KLC1: variants seen among roughly 807,000 people sequenced by gnomAD.
KLC1 encodes the protein kinesin 2 60/70kDa.
In KLC1, 30 loss-of-function variants were observed where a neutral mutation model predicts 84.2. The ratio of observed to expected loss-of-function variants is 0.36; its 90% CI spans 0.27 to 0.48. The LOEUF is 0.48. KLC1 is among the 20% of genes least tolerant of loss of function. The probability of loss-of-function intolerance (pLI) is 0.99; values close to 1 mark genes in which losing one functional copy is unlikely to be tolerated. For missense variants in KLC1, 499 were observed against 805.4 expected (o/e 0.62, Z 4.60); for synonymous variants, 289 against 293.3 (o/e 0.99, Z 0.15).
intron 1 of KLC1, among the ~76,000 whole-genome samples, chr14:103,648,624 T>G (rs10047805): frequency 6.6e-6 from 1 of 150,878 alleles, no homozygotes; most frequent in African/African-American, 2.4e-5. Context: ...CTACAGAAAA[T>G]AAAAAGAAAA....
Position 103,694,642 on chromosome 14 carries a change from C to T in KLC1, c.1848+2217C>T. On this transcript the variant is annotated intron_variant, in intron 15 of 16. Coordinates refer to ENST00000334553, the MANE Select transcript of KLC1 (RefSeq NM_001394837.1). The surrounding 1 kb of genome is among the most constrained non-coding windows in gnomAD (Gnocchi z 4.5). ...GGCTGACGCTCAGCAGCGCCACCTC[C>T]ATGCCAGCCAACTAGGCTACGGGAT... The T allele has an allele frequency of 1.0e-6, 1 of 985,490 alleles. No individual in the cohort carries two copies. The highest frequency in any genetic ancestry group is 1.2e-6 in the Non-Finnish European group (1 of 829,940). The allele number at this position is 985,490 out of a possible 1,614,324, so 61.0% of individuals were successfully genotyped here.
At chr14:103,696,910 G>A (rs3212133) in intron 15 of KLC1, 21 of 985,232 alleles carry the variant, frequency 2.1e-5, no homozygotes, top group South Asian at 4.7e-5. Flanking sequence ...AGGCCAGCCC[G>A]TCTGCAGACT....
chr14:103,699,713 C>T (rs1567049257), intron 15 of KLC1: 1 of 796,604 alleles, frequency 1.3e-6, no homozygotes. Flanking sequence ...ACTCTGTAGT[C>T]CCCATACTCT....
intron 1 of KLC1, among the ~76,000 whole-genome samples, chr14:103,648,099 C>T (rs377066817): frequency 1.3e-5 from 2 of 151,500 alleles, no homozygotes; most frequent in African/African-American, 2.4e-5. Flanking sequence ...TACAGGTGCA[C>T]GCCACCACGC....
At chr14:103,666,163 A>G (rs1331562789) in intron 5 of KLC1, among the ~76,000 whole-genome samples, 1 of 151,954 alleles carries the variant, frequency 6.6e-6, no homozygotes, top group Non-Finnish European at 1.5e-5. Context: ...TCCCGGGTTC[A>G]CGCCATTCTC....
chr14:103,634,690 A>C (rs1434013455), intron 1 of KLC1, among the ~76,000 whole-genome samples: 1 of 152,090 alleles, frequency 6.6e-6, no homozygotes, highest in African/African-American at 2.4e-5. Context: ...TGGACTGAGA[A>C]GTCTCTATGG....
intron 1 of KLC1, among the ~76,000 whole-genome samples, chr14:103,639,708 G>A (rs1652009142): frequency 6.6e-6 from 1 of 152,136 alleles, no homozygotes; most frequent in Admixed American, 6.6e-5. Flanking sequence ...CCAAAGTGCT[G>A]GGATTACTGG....
At chr14:103,686,284 C>A in intron 13 of KLC1, 1 of 922,738 alleles carries the variant, frequency 1.1e-6, no homozygotes, top group Non-Finnish European at 1.3e-6. Context: ...CATGAAACGC[C>A]GCATGGCACA....
intron 5 of KLC1, among the ~76,000 whole-genome samples, chr14:103,666,157 G>A (rs975325857): frequency 6.6e-6 from 1 of 151,896 alleles, no homozygotes; most frequent in Non-Finnish European, 1.5e-5. Flanking sequence ...TCCGCCTCCC[G>A]GGTTCACGCC....
intron 15 of KLC1, chr14:103,696,915 C>T (rs995691346): frequency 3.1e-5 from 31 of 985,276 alleles, no homozygotes; most frequent in Non-Finnish European, 3.7e-5. Flanking sequence ...AGCCCGTCTG[C>T]AGACTCCTGT....
At position 103,669,563 on chromosome 14, in the gene KLC1, A is replaced by G; in HGVS notation, c.850A>G (p.Ile284Val). The change falls in exon 6 of 17, where the codon ATT becomes GTT. Residue 284 changes from isoleucine to valine, a missense_variant. Physicochemically the swap from Ile to Val is conservative, Grantham distance 29 (BLOSUM62 3). This residue lies in a region of KLC1 where 153 missense variants were observed against 332.4 expected (regional missense o/e 0.46). Transcript: ENST00000334553. ...TAACCTACTGAATGATGCCTTGGCT[A>G]TTCGTGAGAAAACTTTGGGCAAAGA... Reference protein sequence around the residue: ...AANLLNDALAIREKTLGKDHP... With the variant: ...AANLLNDALAVREKTLGKDHP... 2.5e-6 allele frequency: 4 copies of G among 1,612,914 alleles called. No homozygotes were observed. Among genetic ancestry groups the G allele is most frequent in the Non-Finnish European group, 3.4e-6 (4 of 1,178,944 alleles).
intron 13 of KLC1, chr14:103,683,848 A>G (rs2151802175): frequency 6.6e-6 from 1 of 152,360 alleles, no homozygotes; most frequent in Non-Finnish European, 1.5e-5. Context: ...GGAATGGAAT[A>G]TATGGTTAGA....
chr14:103,690,621 C>G (rs568445148), intron 14 of KLC1, among the ~76,000 whole-genome samples: 4 of 42,838 alleles, frequency 9.3e-5, no homozygotes, highest in African/African-American at 2.5e-4. Context: ...GGAACTGCTG[C>G]GCTCATGTTC....
chr14:103,679,101 C>T (rs764981956), intron 12 of KLC1, among the ~76,000 whole-genome samples: 3 of 152,142 alleles, frequency 2.0e-5, no homozygotes, highest in Non-Finnish European at 4.4e-5. Flanking sequence ...TAGAAAACCA[C>T]ATGACCCAGC....
chr14:103,699,329 C>G (rs201759596), intron 15 of KLC1: 16 of 1,566,308 alleles, frequency 1.0e-5, no homozygotes, highest in African/African-American at 2.7e-5. Flanking sequence ...GCTAAAAATA[C>G]GAGCTCAGGG....
At chr14:103,695,777 G>A (rs1028059752) in intron 15 of KLC1, 24 of 985,324 alleles carry the variant, frequency 2.4e-5, no homozygotes, top group Middle Eastern at 5.2e-4. Context: ...CACTGTGGCT[G>A]TGGGAGCACT....
At chr14:103,673,240 G>A in intron 8 of KLC1, 53 bp downstream of exon 8, 1 of 1,574,198 alleles carries the variant, frequency 6.4e-7, no homozygotes, top group Non-Finnish European at 8.6e-7. Flanking sequence ...TTCGTCCCAA[G>A]TCCAAACACT....
At chr14:103,636,775 T>G (rs1330166606) in intron 1 of KLC1, among the ~76,000 whole-genome samples, 1 of 152,068 alleles carries the variant, frequency 6.6e-6, no homozygotes, top group African/African-American at 2.4e-5. Flanking sequence ...CAGGCTTGAG[T>G]GCAGTGGCGC....
intron 14 of KLC1, among the ~76,000 whole-genome samples, chr14:103,690,658 G>A (rs1331347090): frequency 6.6e-6 from 1 of 152,190 alleles, no homozygotes; most frequent in African/African-American, 2.4e-5. Context: ...TGCAGTTCAC[G>A]TTCAGAATTC....
Sources: allele counts gnomAD v4.1 joint callset (sites outside exome capture counted in the v4.1 genomes callset), GRCh38; gene constraint gnomAD v4.1.1; regional missense constraint gnomAD v4.1.1; non-coding constraint Gnocchi (gnomAD v3.1); transcripts MANE v1.5; gene names NCBI Gene and HGNC (gene_info 2026-07-23, HGNC 2026-07-21).